Variants in SORCS3 observed in about 807,000 individuals in gnomAD.
SORCS3 encodes the protein sortilin related VPS10 domain containing receptor 3, also known as VPS10 domain-containing receptor SorCS3.
A neutral mutation model predicts 146.3 loss-of-function variants in SORCS3; 57 were observed. That is an observed-to-expected ratio of 0.39 (90% CI 0.31 to 0.49). SORCS3 has a LOEUF of 0.49. Among genes scored for constraint, SORCS3 ranks in the 20% least tolerant of loss-of-function variants. The pLI is 0.92. For missense variants in SORCS3, 1,341 were observed against 1,575.5 expected, an observed-to-expected ratio of 0.85 and a Z score of 2.52; for synonymous variants, 653 against 618.5, an observed-to-expected ratio of 1.06 and a Z score of -0.83.
intron 7 of SORCS3, among the ~76,000 whole-genome samples, chr10:105,123,646 G>C (rs74157443): frequency 3.3e-5 from 5 of 152,120 alleles, no homozygotes; most frequent in African/African-American, 1.2e-4. Flanking sequence ...ATAGTCGAGA[G>C]AGGGAGAGAT....
chr10:105,002,549 G>A (rs2055068706), intron 4 of SORCS3, among the ~76,000 whole-genome samples: 1 of 152,218 alleles, frequency 6.6e-6, no homozygotes. Flanking sequence ...CTAGACACAC[G>A]TGGCTGTAAA....
chr10:104,886,920 T>A (rs933859158), intron 2 of SORCS3, among the ~76,000 whole-genome samples: 16 of 152,220 alleles, frequency 1.1e-4, no homozygotes, highest in African/African-American at 3.6e-4. Flanking sequence ...CCTGTGAGCT[T>A]AATTGCAGTG....
chr10:104,703,065 C>G (rs922558085), intron 1 of SORCS3, among the ~76,000 whole-genome samples: 1 of 152,168 alleles, frequency 6.6e-6, no homozygotes. Flanking sequence ...ATTGATTATA[C>G]AAGAAGTTAG....
rs570813235 is a variant in SORCS3 at position 104,905,634 on chromosome 10, G to T, written c.696-10199G>T. Among the ~76,000 whole-genome samples the T allele has an allele frequency of 2.3e-3, 347 of 152,266 alleles. 1 individual carries two copies. The highest frequency in any genetic ancestry group is 7.8e-3 in the African/African-American group (324 of 41,560). On this transcript the variant is annotated intron_variant, in intron 2 of 26. Coordinates refer to ENST00000369701, the MANE Select transcript of SORCS3 (RefSeq NM_014978.3). ...CCCTTGACTTCAAAGACCTTATTCT[G>T]TCTGGAGAAAGAAGTGTCATGCACA...
chr10:104,788,419 A>T (rs2017461769), intron 1 of SORCS3, among the ~76,000 whole-genome samples: 1 of 151,966 alleles, frequency 6.6e-6, no homozygotes, highest in East Asian at 1.9e-4. Context: ...TAAAAGAAGG[A>T]AAAAAAATAC....
intron 1 of SORCS3, among the ~76,000 whole-genome samples, chr10:104,794,588 G>T (rs1428072248): frequency 7.5e-6 from 1 of 133,934 alleles, no homozygotes; most frequent in Non-Finnish European, 1.6e-5. Flanking sequence ...AGGTAGATAG[G>T]GTGTGTGTGT....
At chr10:105,106,600 G>T (rs2055823538) in intron 7 of SORCS3, among the ~76,000 whole-genome samples, 1 of 152,166 alleles carries the variant, frequency 6.6e-6, no homozygotes, top group Non-Finnish European at 1.5e-5. Flanking sequence ...GGGGTGCTCA[G>T]TCAATATTTG....
At chr10:105,082,104 C>T (rs2055629989) in intron 5 of SORCS3, among the ~76,000 whole-genome samples, 1 of 152,180 alleles carries the variant, frequency 6.6e-6, no homozygotes, top group African/African-American at 2.4e-5. Context: ...CCTGTGAGGT[C>T]AAGCATTGTG....
At chr10:104,752,203 T>A (rs1390891270) in intron 1 of SORCS3, among the ~76,000 whole-genome samples, 1 of 151,370 alleles carries the variant, frequency 6.6e-6, no homozygotes, top group African/African-American at 2.4e-5. Context: ...CTGTCTATTT[T>A]TTTTGTATTT....
At chr10:105,087,490 A>AAAG (rs1001874770) in intron 5 of SORCS3, among the ~76,000 whole-genome samples, 1 of 151,484 alleles carries the variant, frequency 6.6e-6, no homozygotes, top group African/African-American at 2.4e-5. Context: ...CTTCTGGGAA[A>AAAG]AAAAAAAAAA....
intron 2 of SORCS3, among the ~76,000 whole-genome samples, chr10:104,850,308 TG>T (rs1271208680): frequency 6.6e-6 from 1 of 152,206 alleles, no homozygotes; most frequent in Non-Finnish European, 1.5e-5. Flanking sequence ...TTCAGCCAGG[TG>T]CGGTGACTCG....
At chr10:104,676,022 A>G (rs1174853142) in intron 1 of SORCS3, among the ~76,000 whole-genome samples, 1 of 152,224 alleles carries the variant, frequency 6.6e-6, no homozygotes. Context: ...GGTCTTGCAC[A>G]TCTTTCAGTA....
At chr10:104,699,005 G>A (rs1295563192) in intron 1 of SORCS3, among the ~76,000 whole-genome samples, 1 of 152,106 alleles carries the variant, frequency 6.6e-6, no homozygotes, top group Non-Finnish European at 1.5e-5. Flanking sequence ...AAAATTTGGG[G>A]TTCAGAGAGG....
At chr10:104,819,954 C>T (rs947577169) in intron 1 of SORCS3, among the ~76,000 whole-genome samples, 3 of 152,134 alleles carry the variant, frequency 2.0e-5, no homozygotes, top group Admixed American at 1.3e-4. Flanking sequence ...TTTCCTTAAC[C>T]ACTGGGTTTA....
intron 4 of SORCS3, among the ~76,000 whole-genome samples, chr10:104,982,591 G>A (rs947238907): frequency 2.6e-5 from 4 of 152,128 alleles, no homozygotes; most frequent in African/African-American, 9.7e-5. Context: ...TTTTTATTAG[G>A]TCCTTTTCCA....
intron 5 of SORCS3, among the ~76,000 whole-genome samples, chr10:105,071,743 T>C (rs113286940): frequency 0.059 from 9,023 of 152,278 alleles, 285 homozygotes; most frequent in Middle Eastern, 0.088. Context: ...CACCCTGTTG[T>C]GCTATCAAAT....
chr10:104,894,175 A>G (rs778276833), intron 2 of SORCS3, among the ~76,000 whole-genome samples: 2 of 152,140 alleles, frequency 1.3e-5, no homozygotes, highest in Non-Finnish European at 2.9e-5. Flanking sequence ...CACACATGTA[A>G]CTGTCAAATC....
chr10:104,832,068 A>T (rs1307945445), intron 1 of SORCS3, among the ~76,000 whole-genome samples: 1 of 152,200 alleles, frequency 6.6e-6, no homozygotes, highest in Non-Finnish European at 1.5e-5. Flanking sequence ...TGCCCTTAGC[A>T]AATACCTCAG....
rs192030998 is a variant in SORCS3, at chr10:104,841,977, C to T, written c.628-815C>T. On this transcript the variant is annotated intron_variant, in intron 1 of 26. Transcript: ENST00000369701. ...GTGGAGCTGTGCCTAAGCCACTGCC[C>T]GGATGCATGAGAGGCAGGTAGGGCA... Among the ~76,000 whole-genome samples, 192 of 152,258 alleles carry T rather than the reference C, an allele frequency of 1.3e-3. 2 individuals carry two copies. Among genetic ancestry groups the T allele is most frequent in the Non-Finnish European group, 6.9e-4 (47 of 68,022 alleles).
Sources: allele counts gnomAD v4.1 joint callset (sites outside exome capture counted in the v4.1 genomes callset), GRCh38; gene constraint gnomAD v4.1.1; transcripts MANE v1.5; gene names NCBI Gene and HGNC (gene_info 2026-07-23, HGNC 2026-07-21).